The following CADPS2 variants were observed in gnomAD, a reference collection of about 807,000 sequenced individuals.
CADPS2 encodes calcium-dependent secretion activator 2.
CADPS2 carries 93 observed loss-of-function variants against 172.5 expected under a neutral mutation model. That is an observed-to-expected ratio of 0.54 (90% CI 0.46 to 0.64). The LOEUF is 0.64. Among genes scored for constraint, CADPS2 ranks in the 30% least tolerant of loss-of-function variants. The pLI is 0.00. For synonymous variants in CADPS2, 546 were observed against 555.2 expected (o/e 0.98, Z 0.23); for missense variants, 1,420 against 1,565.9 (o/e 0.91, Z 1.57).
intron 1 of CADPS2, among the ~76,000 whole-genome samples, chr7:122,872,801 A>G (rs1820125704): frequency 6.6e-6 from 1 of 152,126 alleles, no homozygotes; most frequent in African/African-American, 2.4e-5. Flanking sequence ...AATTCCATGC[A>G]GATCCAGAAA....
At chr7:122,559,893 G>A (rs1269588565) in intron 7 of CADPS2, among the ~76,000 whole-genome samples, 3 of 151,978 alleles carry the variant, frequency 2.0e-5, no homozygotes, top group Admixed American at 6.6e-5. Context: ...CAGTCACCAA[G>A]GAGGCAGAAG....
chr7:122,834,944 C>T (rs1807861959), intron 1 of CADPS2, among the ~76,000 whole-genome samples: 1 of 152,154 alleles, frequency 6.6e-6, no homozygotes, highest in Non-Finnish European at 1.5e-5. Flanking sequence ...TAGTGTTTCT[C>T]CCAGCACAGA....
At chr7:122,677,034 A>T (rs2082445276) in intron 2 of CADPS2, among the ~76,000 whole-genome samples, 1 of 152,168 alleles carries the variant, frequency 6.6e-6, no homozygotes, top group East Asian at 1.9e-4. Context: ...CTCTGCGTAC[A>T]TTCCCACCCC....
At chr7:122,431,743 C>T (rs769561658) in intron 17 of CADPS2, among the ~76,000 whole-genome samples, 9 of 152,096 alleles carry the variant, frequency 5.9e-5, no homozygotes, top group Non-Finnish European at 1.0e-4. Context: ...GTAATCCCAG[C>T]ACTTTGGGAG....
At chr7:122,366,007 A>G (rs1018163626) in intron 25 of CADPS2, among the ~76,000 whole-genome samples, 14 of 152,126 alleles carry the variant, frequency 9.2e-5, no homozygotes, top group African/African-American at 2.9e-4. Flanking sequence ...ACTGCACGTT[A>G]TAAAATCTTC....
chr7:122,660,501 A>G (rs2080404471), intron 3 of CADPS2, among the ~76,000 whole-genome samples: 1 of 152,160 alleles, frequency 6.6e-6, no homozygotes, highest in African/African-American at 2.4e-5. Flanking sequence ...TCAAGTGGTA[A>G]AAGCTACAAA....
chr7:122,465,466 C>T (rs1396494397), intron 14 of CADPS2, among the ~76,000 whole-genome samples: 1 of 152,102 alleles, frequency 6.6e-6, no homozygotes, highest in Non-Finnish European at 1.5e-5. Context: ...AGGAGGTGAG[C>T]GGCAGGCAAG....
At chr7:122,459,304 C>T (rs1410469410) in intron 14 of CADPS2, among the ~76,000 whole-genome samples, 1 of 151,864 alleles carries the variant, frequency 6.6e-6, no homozygotes, top group Non-Finnish European at 1.5e-5. Flanking sequence ...TTTTTGCTAT[C>T]ATAGATAGTG....
chr7:122,554,728 C>T (rs377248325), intron 7 of CADPS2, 39 bp from the exon 8 acceptor site: 14 of 1,541,162 alleles, frequency 9.1e-6, no homozygotes, highest in Middle Eastern at 1.8e-4. Context: ...ACGCATGATA[C>T]GGAGTGTCTA....
At chr7:122,834,943 T>C (rs1218765509) in intron 1 of CADPS2, among the ~76,000 whole-genome samples, 1 of 152,264 alleles carries the variant, frequency 6.6e-6, no homozygotes, top group Admixed American at 6.5e-5. Flanking sequence ...GTAGTGTTTC[T>C]CCCAGCACAG....
Position 122,823,932 on chromosome 7 carries a change from C to A in CADPS2, c.339+62067G>T, listed in dbSNP as rs1163684996. ...AAAAAAAAGCTCACTGGGAGTTCTACTGTACTGCCTCAGTAGAGAGCTCCA... is the reference window on the plus strand; with the variant it reads ...AAAAAAAAGCTCACTGGGAGTTCTAATGTACTGCCTCAGTAGAGAGCTCCA... On this transcript the variant is annotated intron_variant, in intron 1 of 29. Coordinates refer to ENST00000449022, the MANE Select transcript of CADPS2 (RefSeq NM_017954.11). Among the ~76,000 whole-genome samples, 3 of 152,142 alleles carry A rather than the reference C, an allele frequency of 2.0e-5. No homozygotes were observed. The East Asian group carries it at 5.8e-4, about 30-fold the overall frequency.
At chr7:122,820,912 A>T (rs1193891223) in intron 1 of CADPS2, among the ~76,000 whole-genome samples, 6 of 143,772 alleles carry the variant, frequency 4.2e-5, no homozygotes, top group South Asian at 4.4e-4. Flanking sequence ...CTGCCACTGC[A>T]TTAATACTTT....
chr7:122,668,217 A>G (rs2081380228), intron 2 of CADPS2, among the ~76,000 whole-genome samples: 1 of 145,648 alleles, frequency 6.9e-6, no homozygotes, highest in Admixed American at 6.9e-5. Flanking sequence ...ATGTGGAAAT[A>G]TAAGAGAGGG....
intron 3 of CADPS2, among the ~76,000 whole-genome samples, chr7:122,652,056 CTG>C (rs1317683192): frequency 6.6e-6 from 1 of 152,226 alleles, no homozygotes; most frequent in Non-Finnish European, 1.5e-5. Flanking sequence ...GCCTGTCCCT[CTG>C]CCCAGAACAC....
chr7:122,849,269 A>G (rs1812857337), intron 1 of CADPS2, among the ~76,000 whole-genome samples: 1 of 152,224 alleles, frequency 6.6e-6, no homozygotes, highest in Non-Finnish European at 1.5e-5. Context: ...AGCTCTCCTC[A>G]ATCTGTAAAA....
At chr7:122,367,603 G>A (rs935401075) in intron 25 of CADPS2, among the ~76,000 whole-genome samples, 5 of 137,916 alleles carry the variant, frequency 3.6e-5, no homozygotes, top group African/African-American at 8.2e-5. Flanking sequence ...GGAGTGCAAC[G>A]GCGTGATCTC....
intron 1 of CADPS2, among the ~76,000 whole-genome samples, chr7:122,834,175 G>C (rs1807507839): frequency 6.6e-6 from 1 of 152,108 alleles, no homozygotes; most frequent in Non-Finnish European, 1.5e-5. Flanking sequence ...GATGGTAGAA[G>C]GTAATATGGT....
intron 6 of CADPS2, among the ~76,000 whole-genome samples, chr7:122,605,360 T>C (rs995304967): frequency 2.0e-5 from 3 of 152,118 alleles, no homozygotes; most frequent in Non-Finnish European, 2.9e-5. Context: ...CACTAAGAGA[T>C]AGGAATTTTT....
At chr7:122,723,645 A>C (rs1160359807) in intron 2 of CADPS2, among the ~76,000 whole-genome samples, 1 of 152,200 alleles carries the variant, frequency 6.6e-6, no homozygotes, top group African/African-American at 2.4e-5. Flanking sequence ...CTAGAACTAG[A>C]AATACCATTT....
Sources: allele counts gnomAD v4.1 joint callset (sites outside exome capture counted in the v4.1 genomes callset), GRCh38; gene constraint gnomAD v4.1.1; transcripts MANE v1.5; gene names NCBI Gene and HGNC (gene_info 2026-07-23, HGNC 2026-07-21).